PSME4: variants seen among roughly 807,000 people sequenced by gnomAD.
PSME4 encodes the protein proteasome activator subunit 4, also known as proteasome activator complex subunit 4.
Under a neutral mutation model 253.9 loss-of-function variants are expected in PSME4, and 89 were observed. The observed-to-expected ratio is 0.35, with a 90% confidence interval of 0.30 to 0.42. PSME4 has a LOEUF of 0.42. Ranked by LOEUF, PSME4 falls within the 10% of genes least tolerant of loss-of-function variation. The pLI is 1.00. For missense variants in PSME4, 2,014 were observed against 2,195.2 expected (o/e 0.92, Z 1.65); for synonymous variants, 851 against 759.2 (o/e 1.12, Z -1.99).
In PSME4 at chr2:53,937,404, G is replaced by T; in HGVS notation, c.682C>A (p.His228Asn). 1 of 1,597,746 alleles carries T rather than the reference G, an allele frequency of 6.3e-7. No individual in the cohort carries two copies. Among genetic ancestry groups the T allele is most frequent in the Non-Finnish European group, 8.5e-7 (1 of 1,172,094 alleles). Reference protein sequence around the residue: ...LPTSLPPELHHKGFKLWFDEL... With the variant: ...LPTSLPPELHNKGFKLWFDEL... Reference sequence around the variant, plus strand: ...GAACATACTTACTTAAAACCTTTATGATGAAGTTCTGGAGGAAGGGAGGTA... The same window carrying T: ...GAACATACTTACTTAAAACCTTTATTATGAAGTTCTGGAGGAAGGGAGGTA... Residue 228 changes from histidine (H) to asparagine (N), a missense_variant, in exon 5 of 47, where the codon CAT (histidine) becomes AAT (asparagine). Around this residue, in one of 4 missense-constraint regions of PSME4, gnomAD observed 615 missense variants for 594.4 expected, o/e 1.03. Transcript: ENST00000404125.
intron 41 of PSME4, among the ~76,000 whole-genome samples, chr2:53,883,746 CT>C (rs11304747): frequency 0.11 from 16,586 of 144,340 alleles, 1,401 homozygotes; most frequent in African/African-American, 0.25. Context: ...TCTTATACTT[CT>C]TTTTTTTTTT....
intron 37 of PSME4, among the ~76,000 whole-genome samples, chr2:53,889,588 T>A (rs1006369121): frequency 1.3e-5 from 2 of 152,100 alleles, no homozygotes; most frequent in Non-Finnish European, 2.9e-5. Context: ...CTAAAACTGA[T>A]AGGTGACTCA....
At chr2:53,907,920 A>G (rs867547250) in intron 24 of PSME4, 12 of 160,890 alleles carry the variant, frequency 7.5e-5, no homozygotes, top group Middle Eastern at 3.0e-3. Context: ...CAAGGCCCCA[A>G]AGAAGCTTAC....
In PSME4 at chr2:53,970,397, T is replaced by C. The variant is rs1057397839; in HGVS notation, c.242+146A>G. 45 of 1,365,678 alleles carry C rather than the reference T, an allele frequency of 3.3e-5. No homozygotes were observed. The Admixed American group carries it at 3.8e-4, about 12-fold the overall frequency. The allele number at this position is 1,365,678 out of a possible 1,614,324, so 84.6% of individuals were successfully genotyped here. On this transcript the variant is annotated intron_variant, in intron 1 of 46. Coordinates refer to ENST00000404125, the MANE Select transcript of PSME4 (RefSeq NM_014614.3). ...GACGGCTTGAGTACTTCACAGGCTC[T>C]GTCACGACCCTGGGATCACCGCTCG... is the stretch of plus-strand genomic sequence containing the variant.
At chr2:53,910,731 T>C (rs952802975) in intron 20 of PSME4, among the ~76,000 whole-genome samples, 4 of 152,214 alleles carry the variant, frequency 2.6e-5, no homozygotes, top group Non-Finnish European at 2.9e-5. Context: ...GTTAAATTCA[T>C]TGAACAGTTA....
At chr2:53,880,088 C>A (rs1406932063) in intron 41 of PSME4, among the ~76,000 whole-genome samples, 3 of 152,054 alleles carry the variant, frequency 2.0e-5, no homozygotes, top group South Asian at 2.1e-4. Context: ...AGCAAAGTAA[C>A]TTAAGTTGGA....
At chr2:53,917,585 A>G (rs1411754552) in intron 20 of PSME4, among the ~76,000 whole-genome samples, 1 of 152,158 alleles carries the variant, frequency 6.6e-6, no homozygotes, top group Admixed American at 6.5e-5. Flanking sequence ...AGTACTAAAA[A>G]TTTACTAACA....
At chr2:53,949,747 C>A (rs1365325357) in intron 1 of PSME4, among the ~76,000 whole-genome samples, 1 of 151,986 alleles carries the variant, frequency 6.6e-6, no homozygotes, top group Non-Finnish European at 1.5e-5. Context: ...AAATGGAGAG[C>A]TGTTATTCAA....
intron 1 of PSME4, among the ~76,000 whole-genome samples, chr2:53,962,434 T>C (rs568513450): frequency 3.3e-5 from 5 of 151,772 alleles, no homozygotes; most frequent in African/African-American, 1.2e-4. Context: ...TTGCCTCCAC[T>C]TCAATTAACA....
intron 1 of PSME4, 136 bp from the exon 2 acceptor site, chr2:53,949,419 G>A: frequency 2.1e-6 from 1 of 473,754 alleles, no homozygotes; most frequent in Admixed American, 4.0e-5. Flanking sequence ...TAAGGAAAAT[G>A]TGGCATATAC....
chr2:53,893,707 A>G lies in PSME4; in HGVS notation c.4005T>C (p.Asp1335=), dbSNP rs1245090996. 1.2e-6 allele frequency: 2 copies of G among 1,610,582 alleles called. No individual in the cohort carries two copies. The highest frequency in any genetic ancestry group is 2.7e-5 in the African/African-American group (2 of 74,794). ...GGCAAAAACGTCGTGGATTAAACTT[A>G]TCTTTTCCTTTTCTGTCTTCTAATG... is the stretch of plus-strand genomic sequence containing the variant. ...FLSLEDRKGK[D]KFNPRRFCLF... The change falls in exon 35 of 47, where the codon GAT becomes GAC. Residue 1335 remains aspartate, a synonymous_variant. Transcript: ENST00000404125.
At chr2:53,925,476 A>G in intron 14 of PSME4, 63 bp downstream of exon 14, 1 of 1,387,718 alleles carries the variant, frequency 7.2e-7, no homozygotes, top group East Asian at 2.3e-5. Flanking sequence ...ACTTGAAGTC[A>G]ATTTTAAAAC....
intron 24 of PSME4, 100 bp from the exon 25 acceptor site, chr2:53,906,968 G>T: frequency 1.0e-6 from 1 of 992,514 alleles, no homozygotes; most frequent in Non-Finnish European, 1.5e-6. Flanking sequence ...AAAGGTCCCT[G>T]GTTGACTGGT....
chr2:53,925,905 G>T, intron 13 of PSME4, 54 bp downstream of exon 13: 1 of 1,523,076 alleles, frequency 6.6e-7, no homozygotes, highest in Non-Finnish European at 9.1e-7. Context: ...TTCTGGGATA[G>T]AAGAGTCATT....
intron 8 of PSME4, among the ~76,000 whole-genome samples, chr2:53,933,689 C>A (rs1233467620): frequency 6.6e-6 from 1 of 152,200 alleles, no homozygotes; most frequent in Non-Finnish European, 1.5e-5. Flanking sequence ...GCCATATTTT[C>A]ACACTTAACA....
In PSME4 at chr2:53,892,805, C is replaced by G; in HGVS notation, c.4191+3G>C. 1.2e-6 allele frequency: 2 copies of G among 1,608,402 alleles called. No homozygotes were observed. Among genetic ancestry groups the G allele is most frequent in the Non-Finnish European group, 1.7e-6 (2 of 1,177,906 alleles). ...ATGTTCTGTACAAATATTAATACAT[C>G]ACCTTTTCAAATGTCCAGTGCTTAG... On this transcript the variant is annotated splice_donor_region_variant and intron_variant, in intron 36 of 46. Coordinates refer to ENST00000404125, the MANE Select transcript of PSME4 (RefSeq NM_014614.3).
At chr2:53,875,166 T>G (rs1248495274) in intron 42 of PSME4, among the ~76,000 whole-genome samples, 1 of 152,200 alleles carries the variant, frequency 6.6e-6, no homozygotes, top group African/African-American at 2.4e-5. Context: ...AAATTTAAAA[T>G]GAAAGCTATG....
At chr2:53,899,355 C>T (rs748215136) in intron 29 of PSME4, among the ~76,000 whole-genome samples, 3 of 151,952 alleles carry the variant, frequency 2.0e-5, no homozygotes, top group Non-Finnish European at 4.4e-5. Flanking sequence ...CATAAGCCAC[C>T]GTGCTCGGCC....
At chr2:53,875,499 T>A in intron 42 of PSME4, 128 bp downstream of exon 42, 1 of 887,626 alleles carries the variant, frequency 1.1e-6, no homozygotes, top group South Asian at 2.2e-5. Context: ...AATATATATG[T>A]CTTCTCTTAT....
Sources: allele counts gnomAD v4.1 joint callset (sites outside exome capture counted in the v4.1 genomes callset), GRCh38; gene constraint gnomAD v4.1.1; regional missense constraint gnomAD v4.1.1; transcripts MANE v1.5; gene names NCBI Gene and HGNC (gene_info 2026-07-23, HGNC 2026-07-21).